Variants in GNAQ observed in about 807,000 individuals in gnomAD.
GNAQ encodes G protein subunit alpha q.
A neutral mutation model predicts 43.9 loss-of-function variants in GNAQ; 8 were observed. That is an observed-to-expected ratio of 0.18 (90% CI 0.11 to 0.33). The LOEUF is 0.33. Ranked by LOEUF, GNAQ falls within the 10% of genes least tolerant of loss-of-function variation. GNAQ has a pLI of 1.00. For missense variants in GNAQ, 158 were observed against 450.8 expected, an observed-to-expected ratio of 0.35 and a Z score of 5.88; for synonymous variants, 155 against 170.7, an observed-to-expected ratio of 0.91 and a Z score of 0.71.
chr9:77,782,553 A>C (rs1826410987), intron 5 of GNAQ, among the ~76,000 whole-genome samples: 1 of 152,208 alleles, frequency 6.6e-6, no homozygotes, highest in Non-Finnish European at 1.5e-5. Context: ...GTGGGAATGA[A>C]AACTGGTACA....
intron 5 of GNAQ, among the ~76,000 whole-genome samples, chr9:77,749,045 C>T (rs1388179413): frequency 6.6e-6 from 1 of 152,222 alleles, no homozygotes; most frequent in Non-Finnish European, 1.5e-5. Context: ...TCCAACACTT[C>T]AGGCTTCAAG....
intron 1 of GNAQ, among the ~76,000 whole-genome samples, chr9:77,998,531 T>C (rs1823604599): frequency 6.6e-6 from 1 of 152,216 alleles, no homozygotes; most frequent in South Asian, 2.1e-4. Context: ...TGCAAACAGC[T>C]GAATCTGATT....
chr9:77,794,006 T>C (rs954683066), intron 5 of GNAQ, among the ~76,000 whole-genome samples: 1 of 152,108 alleles, frequency 6.6e-6, no homozygotes, highest in African/African-American at 2.4e-5. Context: ...AATGAACTGA[T>C]TTAGAGCCCA....
chr9:77,937,746 G>A (rs1218586331), intron 1 of GNAQ, among the ~76,000 whole-genome samples: 2 of 150,766 alleles, frequency 1.3e-5, no homozygotes, highest in Non-Finnish European at 3.0e-5. Context: ...TACAAAATCA[G>A]CCAGGCGTGG....
At chr9:77,734,906 T>G (rs1344834695) in intron 5 of GNAQ, among the ~76,000 whole-genome samples, 1 of 152,226 alleles carries the variant, frequency 6.6e-6, no homozygotes, top group East Asian at 1.9e-4. Flanking sequence ...TTATGTTGCT[T>G]TATGATATTT....
chr9:77,814,915 A>G (rs1002034679), intron 3 of GNAQ, among the ~76,000 whole-genome samples: 6 of 152,238 alleles, frequency 3.9e-5, no homozygotes, highest in African/African-American at 1.4e-4. Flanking sequence ...CATTGATCAC[A>G]TTAATCCAAT....
At chr9:77,764,469 T>G (rs1433031206) in intron 5 of GNAQ, among the ~76,000 whole-genome samples, 2 of 152,022 alleles carry the variant, frequency 1.3e-5, no homozygotes, top group Non-Finnish European at 2.9e-5. Flanking sequence ...CTTTTTTTTT[T>G]TTTTGAGATG....
intron 2 of GNAQ, among the ~76,000 whole-genome samples, chr9:77,884,703 C>A (rs991926325): frequency 1.3e-5 from 2 of 152,104 alleles, no homozygotes; most frequent in South Asian, 2.1e-4. Context: ...GCTGTTCACT[C>A]GGGAAGCATA....
At chr9:78,007,079 T>G (rs1182641533) in intron 1 of GNAQ, among the ~76,000 whole-genome samples, 2 of 151,898 alleles carry the variant, frequency 1.3e-5, no homozygotes, top group Non-Finnish European at 2.9e-5. Context: ...AGACTGCACT[T>G]GTACCTAAAA....
At chr9:77,898,255 C>CCT (rs1300231693) in intron 2 of GNAQ, among the ~76,000 whole-genome samples, 1 of 152,162 alleles carries the variant, frequency 6.6e-6, no homozygotes, top group African/African-American at 2.4e-5. Context: ...TGCCATCATC[C>CCT]CTCTCCAATA....
intron 5 of GNAQ, among the ~76,000 whole-genome samples, chr9:77,779,680 C>CAA (rs58014303): frequency 3.6e-4 from 35 of 95,910 alleles, no homozygotes; most frequent in African/African-American, 6.6e-4. Context: ...AAAAACAAAA[C>CAA]AAAAAAAAAA....
chr9:77,819,017 A>AT (rs1564120097), intron 2 of GNAQ, among the ~76,000 whole-genome samples: 1 of 150,688 alleles, frequency 6.6e-6, no homozygotes, highest in Admixed American at 6.6e-5. Context: ...AAAAAAAAAA[A>AT]AAAAAAAAAA....
chr9:77,734,844 C>T (rs1825552561), intron 5 of GNAQ, among the ~76,000 whole-genome samples: 2 of 152,168 alleles, frequency 1.3e-5, no homozygotes, highest in African/African-American at 2.4e-5. Flanking sequence ...AGAATGAATA[C>T]ATGAGCATGT....
chr9:77,986,691 A>G (rs1179321228), intron 1 of GNAQ, among the ~76,000 whole-genome samples: 5 of 151,616 alleles, frequency 3.3e-5, no homozygotes, highest in Non-Finnish European at 5.9e-5. Flanking sequence ...ACTTCTGTAG[A>G]GATGAGGGTC....
chr9:77,848,990 T>C (rs1167048775), intron 2 of GNAQ, among the ~76,000 whole-genome samples: 2 of 152,164 alleles, frequency 1.3e-5, no homozygotes, highest in Non-Finnish European at 2.9e-5. Flanking sequence ...TCTCAGAGTG[T>C]AGCAAGAAGA....
chr9:77,846,457 A>G (rs1827586584), intron 2 of GNAQ, among the ~76,000 whole-genome samples: 1 of 152,206 alleles, frequency 6.6e-6, no homozygotes, highest in Non-Finnish European at 1.5e-5. Context: ...TATGATAGGA[A>G]AAAAGAATGA....
At position 77,903,307 on chromosome 9, in the gene GNAQ, A is replaced by C. The variant is rs537594595; in HGVS notation, c.321+18854T>G. ...CCTGATGGAAGCTATTCCCTAGAGA[A>C]GGCAGCATGGGTGTTGGACGCTAGA... On this transcript the variant is annotated intron_variant, in intron 2 of 6. Coordinates refer to ENST00000286548, the MANE Select transcript of GNAQ (RefSeq NM_002072.5). Among the ~76,000 whole-genome samples, 11 of 152,306 alleles carry C rather than the reference A, an allele frequency of 7.2e-5. No homozygotes were observed. In the South Asian group the frequency reaches 1.7e-3, roughly 23 times the overall value.
chr9:77,995,867 A>G (rs1247030683), intron 1 of GNAQ, among the ~76,000 whole-genome samples: 1 of 152,232 alleles, frequency 6.6e-6, no homozygotes, highest in Non-Finnish European at 1.5e-5. Flanking sequence ...GTTTCATAAA[A>G]TGAAAATTTG....
intron 3 of GNAQ, among the ~76,000 whole-genome samples, chr9:77,810,247 TA>T (rs1826899359): frequency 1.3e-5 from 2 of 151,522 alleles, no homozygotes; most frequent in Non-Finnish European, 2.9e-5. Context: ...TCTATCTATC[TA>T]TCTATCTATC....
Sources: gnomAD v4.1 joint callset for allele counts (sites outside exome capture counted in the v4.1 genomes callset) on GRCh38, gnomAD v4.1.1 for gene constraint, MANE v1.5 for transcripts, NCBI Gene and HGNC (gene_info 2026-07-23, HGNC 2026-07-21) for gene names.